Variants in SCHIP1 observed in about 807,000 individuals in gnomAD.
SCHIP1 encodes schwannomin-interacting protein 1.
A neutral mutation model predicts 29.7 loss-of-function variants in SCHIP1; 8 were observed. The ratio of observed to expected loss-of-function variants is 0.27; its 90% confidence interval spans 0.16 to 0.49. The LOEUF is 0.49. SCHIP1 is among the 20% of genes least tolerant of loss of function. The pLI, the probability that SCHIP1 is intolerant of heterozygous loss-of-function variation, is 0.99. For missense variants in SCHIP1, 193 were observed against 294.6 expected (o/e 0.66, Z 2.52); for synonymous variants, 76 against 94.9 (o/e 0.80, Z 1.16).
the SCHIP1 span, among the ~76,000 whole-genome samples, chr3:159,628,018 A>G: frequency 6.6e-6 from 1 of 152,208 alleles, no homozygotes; most frequent in Non-Finnish European, 1.5e-5. Flanking sequence ...AGAAAAGTGA[A>G]CCCATCATTT....
At chr3:159,824,896 T>C in the SCHIP1 span, among the ~76,000 whole-genome samples, 2 of 152,240 alleles carry the variant, frequency 1.3e-5, no homozygotes, top group Non-Finnish European at 2.9e-5. Flanking sequence ...TTTTTTCTTT[T>C]CTTTTTAATT....
chr3:159,497,575 A>T, the SCHIP1 span, among the ~76,000 whole-genome samples: 9 of 151,852 alleles, frequency 5.9e-5, no homozygotes, highest in Non-Finnish European at 1.2e-4. Context: ...AGATGCCAAT[A>T]TTTATCTAAT....
At chr3:159,821,948 C>T in the SCHIP1 span, among the ~76,000 whole-genome samples, 1 of 152,200 alleles carries the variant, frequency 6.6e-6, no homozygotes, top group Admixed American at 6.5e-5. Flanking sequence ...AGTGTGGATG[C>T]ACTGGACAAA....
chr3:159,598,641 G>A, the SCHIP1 span, among the ~76,000 whole-genome samples: 2 of 152,160 alleles, frequency 1.3e-5, no homozygotes, highest in Non-Finnish European at 2.9e-5. Context: ...TCACAGACTG[G>A]TGTTGAGTGC....
chr3:159,501,297 G>A, the SCHIP1 span, among the ~76,000 whole-genome samples: 2 of 152,182 alleles, frequency 1.3e-5, no homozygotes, highest in Non-Finnish European at 2.9e-5. Flanking sequence ...ATGGTAAACA[G>A]TTGCCTAATT....
the SCHIP1 span, among the ~76,000 whole-genome samples, chr3:159,697,430 G>T: frequency 1.2e-3 from 190 of 152,234 alleles, no homozygotes; most frequent in African/African-American, 4.5e-3. Context: ...TTATCATATA[G>T]ATTGTAATTA....
the SCHIP1 span, among the ~76,000 whole-genome samples, chr3:159,793,285 G>A: frequency 6.6e-6 from 1 of 151,986 alleles, no homozygotes; most frequent in Admixed American, 6.6e-5. Flanking sequence ...AGCTTCCTAG[G>A]TAGTTTTAAC....
At chr3:159,376,585 G>A in the SCHIP1 span, among the ~76,000 whole-genome samples, 1 of 152,132 alleles carries the variant, frequency 6.6e-6, no homozygotes, top group Non-Finnish European at 1.5e-5. Context: ...TGATAACTAG[G>A]CTTTGGAAAA....
At chr3:159,275,861 T>A in the SCHIP1 span, among the ~76,000 whole-genome samples, 3 of 152,156 alleles carry the variant, frequency 2.0e-5, no homozygotes, top group Non-Finnish European at 4.4e-5. Context: ...ATTCTGGTGG[T>A]AGCAGATGTA....
chr3:159,733,427 C>T, the SCHIP1 span, among the ~76,000 whole-genome samples: 2 of 152,038 alleles, frequency 1.3e-5, no homozygotes, highest in Non-Finnish European at 2.9e-5. Flanking sequence ...GGTCATTTTA[C>T]GTAATATCCA....
At chr3:159,645,204 C>A in the SCHIP1 span, among the ~76,000 whole-genome samples, 1 of 152,116 alleles carries the variant, frequency 6.6e-6, no homozygotes. Context: ...GGAGAAGCCA[C>A]GGCTCTGGCA....
At chr3:159,791,421 A>G in the SCHIP1 span, among the ~76,000 whole-genome samples, 45 of 152,372 alleles carry the variant, frequency 3.0e-4, no homozygotes, top group East Asian at 8.1e-3. Context: ...CGATGTTACC[A>G]GAACCTTCCC....
chr3:159,486,312 C>T, the SCHIP1 span, among the ~76,000 whole-genome samples: 1 of 152,140 alleles, frequency 6.6e-6, no homozygotes, highest in African/African-American at 2.4e-5. Flanking sequence ...CTACCCTCTT[C>T]CCCATGTCCC....
At chr3:159,449,006 A>C in the SCHIP1 span, among the ~76,000 whole-genome samples, 155 of 152,326 alleles carry the variant, frequency 1.0e-3, no homozygotes, top group African/African-American at 3.3e-3. Context: ...GGAAATAAAA[A>C]AGAAGTTAAA....
chr3:159,443,837 C>G, the SCHIP1 span, among the ~76,000 whole-genome samples: 2 of 152,140 alleles, frequency 1.3e-5, no homozygotes, highest in African/African-American at 4.8e-5. Context: ...AACACTGATG[C>G]CTTTTTTTGG....
At chr3:159,750,308 C>CAG in the SCHIP1 span, among the ~76,000 whole-genome samples, 1 of 147,812 alleles carries the variant, frequency 6.8e-6, no homozygotes, top group Non-Finnish European at 1.5e-5. Flanking sequence ...CACACACACA[C>CAG]ACACACACAC....
the SCHIP1 span, among the ~76,000 whole-genome samples, chr3:159,713,253 A>AAAGAAAG: frequency 2.0e-5 from 3 of 149,208 alleles, no homozygotes; most frequent in African/African-American, 7.5e-5. Flanking sequence ...AGAAAGAAAG[A>AAAGAAAG]AAGAAAGAAA....
chr3:159,860,694 AG>A (rs1486132361), intron 1 of SCHIP1, among the ~76,000 whole-genome samples: 1 of 152,244 alleles, frequency 6.6e-6, no homozygotes, highest in Non-Finnish European at 1.5e-5. Context: ...ACAGAAAGAC[AG>A]GAAACTGGGG....
chr3:159,294,881 T>G, the SCHIP1 span, among the ~76,000 whole-genome samples: 2 of 152,122 alleles, frequency 1.3e-5, no homozygotes, highest in African/African-American at 4.8e-5. Flanking sequence ...TGTGTCTGAC[T>G]GGCTCATAAG....
Sources: allele counts gnomAD v4.1 joint callset (sites outside exome capture counted in the v4.1 genomes callset), GRCh38; gene constraint gnomAD v4.1.1; transcripts MANE v1.5; gene names NCBI Gene and HGNC (gene_info 2026-07-23, HGNC 2026-07-21).